Variants in PRRC1 observed in about 807,000 individuals in gnomAD.
PRRC1 encodes protein PRRC1.
In PRRC1, 39 loss-of-function variants were observed where a neutral mutation model predicts 40.7. The ratio of observed to expected loss-of-function variants is 0.96; its 90% CI spans 0.74 to 1.25. The LOEUF (loss-of-function observed/expected upper bound fraction) is 1.25. Ranked by LOEUF, PRRC1 falls within the 50% of genes most tolerant of loss-of-function variation. PRRC1 has a pLI of 0.00. For missense variants in PRRC1, 573 were observed against 548.3 expected (o/e 1.05, Z -0.45); for synonymous variants, 175 against 193.3 (o/e 0.91, Z 0.79).
intron 7 of PRRC1, among the ~76,000 whole-genome samples, chr5:127,541,604 A>G (rs1410203493): frequency 1.3e-5 from 2 of 152,142 alleles, no homozygotes; most frequent in African/African-American, 4.8e-5. Flanking sequence ...TAGTCTTGGG[A>G]GAGTGTATGT....
chr5:127,544,391 A>T (rs1470564661), intron 7 of PRRC1, among the ~76,000 whole-genome samples: 1 of 152,174 alleles, frequency 6.6e-6, no homozygotes, highest in African/African-American at 2.4e-5. Context: ...TGCTGGGAGA[A>T]CCACTGCTCT....
chr5:127,534,813 A>T (rs1039207554), intron 6 of PRRC1, among the ~76,000 whole-genome samples: 69 of 152,174 alleles, frequency 4.5e-4, no homozygotes, highest in African/African-American at 1.5e-3. Context: ...GTTTACTTGA[A>T]TATCTCAAAC....
At chr5:127,548,000 T>G in intron 8 of PRRC1, 79 bp downstream of exon 8, 10 of 963,340 alleles carry the variant, frequency 1.0e-5, no homozygotes, top group Non-Finnish European at 1.7e-5. Context: ...TTTGTTCGGT[T>G]TTTTTGTTAG....
At chr5:127,521,197 C>T (rs1767449561) in intron 1 of PRRC1, among the ~76,000 whole-genome samples, 1 of 152,138 alleles carries the variant, frequency 6.6e-6, no homozygotes, top group Non-Finnish European at 1.5e-5. Context: ...TTTCTCCTTG[C>T]CCCCAGTTTC....
rs11395244 is a variant in PRRC1 at position 127,527,757 on chromosome 5, C to CAAA, written c.654+998_654+1000dup. Among the ~76,000 whole-genome samples the CAAA allele has an allele frequency of 1.5e-3, 118 of 79,868 alleles. 2 individuals are homozygous for CAAA. The highest frequency in any genetic ancestry group is 2.7e-3 in the African/African-American group (62 of 23,024). The allele number at this position is 79,868 out of a possible 152,430, so 52.4% of individuals were successfully genotyped here. A position where few individuals can be genotyped will look rare whatever the true frequency, so the allele number is the denominator to read the frequency against. On this transcript the variant is annotated intron_variant, in intron 4 of 8. Coordinates refer to ENST00000296666, the MANE Select transcript of PRRC1 (RefSeq NM_130809.5). ...TAAGTGACAGAGTGAGACACTGTCTCAAAAAAAAAAAAAAAAAAAAACCAA... is the reference window on the plus strand; with the variant it reads ...TAAGTGACAGAGTGAGACACTGTCTCAAAAAAAAAAAAAAAAAAAAAAAACCAA...
chr5:127,539,821 C>T (rs1767991818), intron 7 of PRRC1, among the ~76,000 whole-genome samples: 1 of 151,804 alleles, frequency 6.6e-6, no homozygotes, highest in Non-Finnish European at 1.5e-5. Context: ...TATTATAGGC[C>T]AGTGGGAAAG....
chr5:127,552,791 G>A lies in PRRC1; in HGVS notation c.*875G>A. The A allele has an allele frequency of 1.0e-6, 1 of 985,300 alleles. No homozygotes were observed. Among genetic ancestry groups the A allele is most frequent in the Non-Finnish European group, 1.2e-6 (1 of 829,600 alleles). The allele number at this position is 985,300 out of a possible 1,614,324, so 61.0% of individuals were successfully genotyped here. On this transcript the variant is annotated 3_prime_UTR_variant, in exon 9 of 9. Coordinates refer to ENST00000296666, the MANE Select transcript of PRRC1 (RefSeq NM_130809.5). ...TTTAATACAGAAATTTTTGAGAGGG[G>A]GTTACTTTATTGCTTGTGGGTTAGT...
At chr5:127,544,917 A>G (rs1268666878) in intron 7 of PRRC1, among the ~76,000 whole-genome samples, 1 of 152,162 alleles carries the variant, frequency 6.6e-6, no homozygotes, top group African/African-American at 2.4e-5. Flanking sequence ...GGCACTCCCT[A>G]GTGAGATGAA....
chr5:127,543,244 T>C (rs371894574), intron 7 of PRRC1, among the ~76,000 whole-genome samples: 2,131 of 152,362 alleles, frequency 0.014, 28 homozygotes, highest in East Asian at 0.039. Flanking sequence ...AGAGATCTGC[T>C]GTTAGTCTCA....
At chr5:127,536,297 G>GA (rs35150955) in intron 6 of PRRC1, among the ~76,000 whole-genome samples, 42 of 148,454 alleles carry the variant, frequency 2.8e-4, no homozygotes, top group South Asian at 6.4e-4. Flanking sequence ...ATCTAGAAAT[G>GA]AAAAAAAAAA....
In PRRC1 at chr5:127,547,900, G is replaced by C; in HGVS notation, c.1107G>C (p.Val369=). The change falls in exon 8 of 9, where the codon GTG becomes GTC. Residue 369 remains valine, a synonymous_variant. Coordinates refer to ENST00000296666, the MANE Select transcript of PRRC1 (RefSeq NM_130809.5). ...HLETFTQATP[V]PLEFVQQAQS... is the part of the protein sequence containing the mutation. ...AAACATTTACACAAGCCACACCAGT[G>C]CCTTTGGAATTTGTACAGCAGGTTG... The C allele has an allele frequency of 6.2e-7, 1 of 1,613,372 alleles. No homozygotes were observed. The highest frequency in any genetic ancestry group is 8.5e-7 in the Non-Finnish European group (1 of 1,179,426).
chr5:127,524,971 T>C (rs746242728), intron 3 of PRRC1, 51 bp downstream of exon 3: 5 of 1,477,640 alleles, frequency 3.4e-6, no homozygotes, highest in Non-Finnish European at 3.6e-6. Flanking sequence ...AATGTTTTAT[T>C]CTTTTTTAAA....
rs981661519 is a variant in PRRC1 at position 127,553,563 on chromosome 5, A to T, written c.*1647A>T. Reference sequence around the variant, plus strand: ...ATTTTAAAAGCTATCCTTTTCTAGTAGTATTTTATCATGGCAATGGCATGA... The same window carrying T: ...ATTTTAAAAGCTATCCTTTTCTAGTTGTATTTTATCATGGCAATGGCATGA... On this transcript the variant is annotated 3_prime_UTR_variant, in exon 9 of 9. Transcript: ENST00000296666. 19 of 1,250,478 alleles carry T rather than the reference A, an allele frequency of 1.5e-5. No individual in the cohort carries two copies. The African/African-American group carries it at 3.0e-4, about 20-fold the overall frequency. The allele number at this position is 1,250,478 out of a possible 1,614,324, so 77.5% of individuals were successfully genotyped here. A position where few individuals can be genotyped will look rare whatever the true frequency, so the allele number is the denominator to read the frequency against.
chr5:127,554,241 T>C lies in PRRC1; in HGVS notation c.*2325T>C. Reference sequence around the variant, plus strand: ...GTCCAGCTTGAGTGTTCTGTTCTCTTCCTGCCCATTTCCTTGAACCTCCTG... The same window carrying C: ...GTCCAGCTTGAGTGTTCTGTTCTCTCCCTGCCCATTTCCTTGAACCTCCTG... On this transcript the variant is annotated 3_prime_UTR_variant, in exon 9 of 9. Transcript: ENST00000296666. The C allele has an allele frequency of 5.9e-6, 1 of 170,754 alleles. No homozygotes were observed. The highest frequency in any genetic ancestry group is 1.2e-5 in the Non-Finnish European group (1 of 80,880). The allele number at this position is 170,754 out of a possible 1,614,324, so 10.6% of individuals were successfully genotyped here.
intron 8 of PRRC1, chr5:127,548,169 A>T: frequency 3.8e-6 from 2 of 520,918 alleles, no homozygotes; most frequent in African/African-American, 2.0e-5. Context: ...TATTTCTCTC[A>T]TTTTTTTCTT....
chr5:127,547,998 GT>G (rs759379676), intron 8 of PRRC1, 77 bp downstream of exon 8: 15 of 966,804 alleles, frequency 1.6e-5, no homozygotes, highest in South Asian at 5.2e-5. Context: ...AATTTGTTCG[GT>G]TTTTTTGTTA....
At position 127,517,716 on chromosome 5, in the gene PRRC1, C is replaced by G. The variant is rs556340266; in HGVS notation, c.-81C>G. On this transcript the variant is annotated 5_prime_UTR_variant, in exon 1 of 9. Coordinates refer to ENST00000296666, the MANE Select transcript of PRRC1 (RefSeq NM_130809.5). ...TCTTCTCCAAGCTGTAGTTCTACGT[C>G]CCGACCTCCCTATCATACCACACTC... 4.6e-5 allele frequency: 7 copies of G among 152,364 alleles called. No homozygotes were observed. Among genetic ancestry groups the G allele is most frequent in the African/African-American group, 1.4e-4 (6 of 41,576 alleles). The allele number at this position is 152,364 out of a possible 1,614,324, so 9.4% of individuals were successfully genotyped here. A position where few individuals can be genotyped will look rare whatever the true frequency, so the allele number is the denominator to read the frequency against.
chr5:127,537,504 C>G (rs1266225209), intron 6 of PRRC1, among the ~76,000 whole-genome samples: 1 of 151,888 alleles, frequency 6.6e-6, no homozygotes, highest in Non-Finnish European at 1.5e-5. Context: ...ATTTGTCTAC[C>G]TAGCTTATTA....
intron 6 of PRRC1, among the ~76,000 whole-genome samples, chr5:127,535,397 A>AAAGATCCC (rs1767872164): frequency 6.6e-6 from 1 of 152,156 alleles, no homozygotes; most frequent in African/African-American, 2.4e-5. Flanking sequence ...AAAGATGCAA[A>AAAGATCCC]AAAGAGGTGC....
Sources: allele counts gnomAD v4.1 joint callset (sites outside exome capture counted in the v4.1 genomes callset), GRCh38; gene constraint gnomAD v4.1.1; transcripts MANE v1.5; gene names NCBI Gene and HGNC (gene_info 2026-07-23, HGNC 2026-07-21).